TRIP12: variants seen among roughly 807,000 people sequenced by gnomAD.
The protein encoded by TRIP12 is thyroid hormone receptor interactor 12.
TRIP12 carries 25 observed loss-of-function variants against 244.2 expected under a neutral mutation model. The ratio of observed to expected loss-of-function variants is 0.10; its 90% CI spans 0.07 to 0.14. TRIP12 has a LOEUF of 0.14. Ranked by LOEUF, TRIP12 falls within the 10% of genes least tolerant of loss-of-function variation. The pLI, the probability that TRIP12 is intolerant of heterozygous loss-of-function variation, is 1.00. For synonymous variants in TRIP12, 905 were observed against 873.1 expected (o/e 1.04, Z -0.64); for missense variants, 1,677 against 2,486.4 (o/e 0.67, Z 6.92).
intron 37 of TRIP12, among the ~76,000 whole-genome samples, chr2:229,775,882 G>A (rs2036094511): frequency 6.6e-6 from 1 of 151,766 alleles, no homozygotes; most frequent in African/African-American, 2.4e-5. Flanking sequence ...GTCAATTTCT[G>A]GAGTGTGGAT....
rs1280856560 is a variant in TRIP12 at position 229,892,584 on chromosome 2, T to A, written c.-49-12456A>T. On this transcript the variant is annotated intron_variant, in intron 1 of 41. Transcript: ENST00000675903. The stretch of plus-strand genomic sequence containing the variant: ...ATAATGTGACAAAATACAAAAAAAA[T>A]TAGGTCAGGCACGGTGGCTCACACT... Among the ~76,000 whole-genome samples, 3 of 151,970 alleles carry A rather than the reference T, an allele frequency of 2.0e-5. 1 individual carries two copies. Among genetic ancestry groups the A allele is most frequent in the East Asian group, 3.9e-4 (2 of 5,178 alleles).
intron 8 of TRIP12, among the ~76,000 whole-genome samples, chr2:229,818,877 T>C (rs546275188): frequency 1.3e-5 from 2 of 152,212 alleles, no homozygotes; most frequent in East Asian, 3.9e-4. Context: ...TAAAAACCTG[T>C]TAAACAATGA....
Position 229,767,594 on chromosome 2 carries a change from A to T in TRIP12, c.6164T>A (p.Ile2055Lys), listed in dbSNP as rs2032196278. ...CGACTGCTGCCCTTCTCTTGCTGCT[A>T]TCAACAGTTTTTCACGCATTATCTC... is the stretch of plus-strand genomic sequence containing the variant. ...SIEIMREKLL[I>K]AAREGQQSFH... The change falls in exon 42 of 42, where the codon ATA (isoleucine) becomes AAA (lysine). Residue 2055 changes from isoleucine to lysine, a missense_variant. By Grantham distance (102) the Ile-to-Lys change is moderately radical. This residue lies in a region of TRIP12 where 171 missense variants were observed against 388.4 expected (regional missense o/e 0.44). Coordinates refer to ENST00000675903, the MANE Select transcript of TRIP12 (RefSeq NM_001348323.3). 2 of 1,613,512 alleles carry T rather than the reference A, an allele frequency of 1.2e-6. No homozygotes were observed. The highest frequency in any genetic ancestry group is 8.5e-7 in the Non-Finnish European group (1 of 1,179,864).
intron 2 of TRIP12, among the ~76,000 whole-genome samples, chr2:229,863,866 A>G (rs750296655): frequency 2.6e-5 from 4 of 152,228 alleles, no homozygotes; most frequent in Non-Finnish European, 5.9e-5. Flanking sequence ...AAAAAGCATA[A>G]TCTTTTTAAA....
At chr2:229,782,602 C>T (rs754514931) in intron 34 of TRIP12, among the ~76,000 whole-genome samples, 1 of 152,140 alleles carries the variant, frequency 6.6e-6, no homozygotes, top group Non-Finnish European at 1.5e-5. Flanking sequence ...AGTATACTTT[C>T]CAGTACACAA....
chr2:229,919,042 T>C (rs2076011998), intron 1 of TRIP12, among the ~76,000 whole-genome samples: 1 of 152,226 alleles, frequency 6.6e-6, no homozygotes, highest in Non-Finnish European at 1.5e-5. Flanking sequence ...CAGTGATGTT[T>C]TCCTTGCTAA....
At chr2:229,812,968 G>A (rs1033799484) in intron 13 of TRIP12, among the ~76,000 whole-genome samples, 4 of 151,866 alleles carry the variant, frequency 2.6e-5, no homozygotes, top group Non-Finnish European at 5.9e-5. Context: ...TTTCTCTGTA[G>A]CTAAAAAAAA....
intron 38 of TRIP12, among the ~76,000 whole-genome samples, chr2:229,772,948 A>C (rs761234856): frequency 6.6e-6 from 1 of 152,180 alleles, no homozygotes. Flanking sequence ...GGAATAAACC[A>C]AAACAAATTT....
chr2:229,828,448 T>C (rs970101830), intron 8 of TRIP12, among the ~76,000 whole-genome samples: 2 of 151,760 alleles, frequency 1.3e-5, no homozygotes, highest in Non-Finnish European at 2.9e-5. Flanking sequence ...CATTACCTGA[T>C]TGTAATGTAT....
At position 229,845,956 on chromosome 2, in the gene TRIP12, C is replaced by T. The variant is rs576811624; in HGVS notation, c.1028-5029G>A. On this transcript the variant is annotated intron_variant, in intron 4 of 41. Transcript: ENST00000675903. Reference sequence around the variant, plus strand: ...GAAGGAGGATTACTTGAGCAGTGAGCTATGATCACACCACTGCGTTCCAGC... The same window carrying T: ...GAAGGAGGATTACTTGAGCAGTGAGTTATGATCACACCACTGCGTTCCAGC... 4.8e-5 allele frequency among the ~76,000 whole-genome samples: 7 copies of T among 146,158 alleles called. No individual in the cohort carries two copies. In the South Asian group the frequency reaches 8.9e-4, roughly 19 times the overall value.
At chr2:229,834,873 G>GT (rs1689355895) in intron 6 of TRIP12, among the ~76,000 whole-genome samples, 1 of 152,110 alleles carries the variant, frequency 6.6e-6, no homozygotes, top group Admixed American at 6.5e-5. Flanking sequence ...AAGAGCTAAT[G>GT]TGGTTGGGCT....
At chr2:229,861,477 T>C (rs2060476373) in intron 2 of TRIP12, among the ~76,000 whole-genome samples, 1 of 152,198 alleles carries the variant, frequency 6.6e-6, no homozygotes, top group Non-Finnish European at 1.5e-5. Flanking sequence ...CATAAGAGCA[T>C]ATACCAATGA....
intron 9 of TRIP12, among the ~76,000 whole-genome samples, chr2:229,817,410 C>T (rs2048765979): frequency 6.6e-6 from 1 of 152,102 alleles, no homozygotes; most frequent in African/African-American, 2.4e-5. Context: ...TATCAATCCA[C>T]TATTTAAATG....
chr2:229,922,024 G>C (rs2076691477), upstream of TRIP12: 2 of 152,450 alleles, frequency 1.3e-5, no homozygotes, highest in Admixed American at 1.3e-4. Context: ...CGCCCGGCGT[G>C]CGCCTCCGCC....
At chr2:229,867,337 T>A (rs1469971359) in intron 2 of TRIP12, among the ~76,000 whole-genome samples, 1 of 151,968 alleles carries the variant, frequency 6.6e-6, no homozygotes, top group South Asian at 2.1e-4. Flanking sequence ...GGCTAATTTT[T>A]ATATTTTTAG....
At chr2:229,816,467 T>C (rs140027048) in intron 9 of TRIP12, among the ~76,000 whole-genome samples, 10 of 152,342 alleles carry the variant, frequency 6.6e-5, no homozygotes, top group African/African-American at 2.2e-4. Flanking sequence ...TGTTTGGGAA[T>C]GACTGATATA....
chr2:229,818,502 G>A lies in TRIP12; in HGVS notation c.1461C>T (p.Ala487=). ...CTTGCAATCCTTGTAGTAGCTGCTG[G>A]GCCTTAGAACCTTTAGAGAAAAAAA... ...RTIGSGASSK[A]QQLLQGLQAS... Residue 487 remains alanine, a synonymous_variant, in exon 9 of 42, where the codon GCC becomes GCT. Coordinates refer to ENST00000675903, the MANE Select transcript of TRIP12 (RefSeq NM_001348323.3). The A allele has an allele frequency of 6.2e-7, 1 of 1,613,792 alleles. No homozygotes were observed. Among genetic ancestry groups the A allele is most frequent in the South Asian group, 1.1e-5 (1 of 91,040 alleles).
At chr2:229,802,230 T>C in intron 21 of TRIP12, 22 bp downstream of exon 21, 1 of 1,559,704 alleles carries the variant, frequency 6.4e-7, no homozygotes, top group Non-Finnish European at 8.7e-7. Context: ...GAAATAAAAA[T>C]CACAACACAA....
At chr2:229,815,661 C>G (rs2048323600) in intron 9 of TRIP12, among the ~76,000 whole-genome samples, 1 of 151,820 alleles carries the variant, frequency 6.6e-6, no homozygotes, top group Non-Finnish European at 1.5e-5. Context: ...CTAATAAATA[C>G]TAGATACATA....
Sources: gnomAD v4.1 joint callset for allele counts (sites outside exome capture counted in the v4.1 genomes callset) on GRCh38, gnomAD v4.1.1 for gene constraint, gnomAD v4.1.1 regional missense constraint, MANE v1.5 for transcripts, NCBI Gene and HGNC (gene_info 2026-07-23, HGNC 2026-07-21) for gene names.